CBR4: variants seen among roughly 807,000 people sequenced by gnomAD.
CBR4 encodes the protein 3-oxoacyl-[acyl-carrier-protein] reductase.
Under a neutral mutation model 21.0 loss-of-function variants are expected in CBR4, and 22 were observed. That is an observed-to-expected ratio of 1.05 (90% CI 0.75 to 1.50). The LOEUF is 1.50. Among genes scored for constraint, CBR4 ranks in the 40% most tolerant of loss-of-function variants. The pLI is 0.00. For synonymous variants in CBR4, 100 were observed against 104.4 expected, an observed-to-expected ratio of 0.96 and a Z score of 0.26; for missense variants, 302 against 286.3, an observed-to-expected ratio of 1.05 and a Z score of -0.40.
intron 3 of CBR4, among the ~76,000 whole-genome samples, chr4:169,005,004 T>C (rs1410926386): frequency 6.6e-6 from 1 of 152,112 alleles, no homozygotes; most frequent in Non-Finnish European, 1.5e-5. Context: ...TTTTTTAAAG[T>C]AATTTTAAAA....
chr4:168,941,322 T>TA (rs1763258228), intron 2 of CBR4, among the ~76,000 whole-genome samples: 1 of 152,052 alleles, frequency 6.6e-6, no homozygotes, highest in African/African-American at 2.4e-5. Context: ...TAAAGTACAA[T>TA]AAAAAAATTT....
chr4:168,968,652 A>T (rs2126749136), intron 2 of CBR4, among the ~76,000 whole-genome samples: 1 of 152,298 alleles, frequency 6.6e-6, no homozygotes, highest in Middle Eastern at 3.4e-3. Context: ...GTAATAGTTT[A>T]CCATCACCTA....
intron 2 of CBR4, among the ~76,000 whole-genome samples, chr4:168,944,611 T>A (rs1763353663): frequency 6.6e-6 from 1 of 152,202 alleles, no homozygotes; most frequent in Non-Finnish European, 1.5e-5. Context: ...TAAGGGATAG[T>A]TTAATAATGA....
chr4:168,944,836 A>G (rs1404276307), intron 2 of CBR4, among the ~76,000 whole-genome samples: 1 of 152,018 alleles, frequency 6.6e-6, no homozygotes, highest in African/African-American at 2.4e-5. Context: ...ATTGTTTCTT[A>G]CTGACTCTCA....
At chr4:168,948,512 G>A (rs919520201) in intron 2 of CBR4, among the ~76,000 whole-genome samples, 3 of 152,152 alleles carry the variant, frequency 2.0e-5, no homozygotes, top group African/African-American at 7.2e-5. Context: ...TTAGATTTAA[G>A]TCCTTAATCC....
At position 168,990,879 on chromosome 4, in the gene CBR4, C is replaced by G. The variant is rs183532552; in HGVS notation, c.536-551G>C. On this transcript the variant is annotated intron_variant, in intron 4 of 4. Coordinates refer to ENST00000306193, the MANE Select transcript of CBR4 (RefSeq NM_032783.5). Reference sequence around the variant, plus strand: ...ACCAGCCTGCCCAACATGGTGAAACCCCGTCTCTACTAAAAATACAAAAAA... The same window carrying G: ...ACCAGCCTGCCCAACATGGTGAAACGCCGTCTCTACTAAAAATACAAAAAA... 1.8e-4 allele frequency among the ~76,000 whole-genome samples: 28 copies of G among 151,940 alleles called. No homozygotes were observed. The East Asian group carries it at 4.3e-3, about 23-fold the overall frequency.
At position 169,007,708 on chromosome 4, in the gene CBR4, T is replaced by C; in HGVS notation, c.191A>G (p.Gln64Arg). Residue 64 changes from glutamine (Q) to arginine (R), a missense_variant, in exon 2 of 5, where the codon CAA (glutamine) becomes CGA (arginine). By Grantham distance (43) the Gln-to-Arg change is conservative. Coordinates refer to ENST00000306193, the MANE Select transcript of CBR4 (RefSeq NM_032783.5). Reference sequence around the variant, plus strand: ...TTTCTCCAGCTCTTCAAATGTATTTTGAACATCATGTTCTTTAGCAACATC... The same window carrying C: ...TTTCTCCAGCTCTTCAAATGTATTTCGAACATCATGTTCTTTAGCAACATC... Reference protein sequence around the residue: ...SCDVAKEHDVQNTFEELEKHL... With the variant: ...SCDVAKEHDVRNTFEELEKHL... The C allele has an allele frequency of 1.9e-6, 3 of 1,595,052 alleles. No individual in the cohort carries two copies. The highest frequency in any genetic ancestry group is 2.6e-6 in the Non-Finnish European group (3 of 1,171,850).
chr4:169,002,223 A>G lies in CBR4; in HGVS notation c.401-18T>C. The G allele has an allele frequency of 7.3e-7, 1 of 1,375,550 alleles. No homozygotes were observed. Among genetic ancestry groups the G allele is most frequent in the Non-Finnish European group, 9.6e-7 (1 of 1,046,552 alleles). 85.2% of individuals were successfully genotyped at this position (1,375,550 alleles called of 1,614,324 possible). ...AATGCTTCCTAGGACAAAAAAAAAA[A>G]AAAAAAAAAAAAAAGCGTATTAAAT... On this transcript the variant is annotated intron_variant, in intron 3 of 4. Coordinates refer to ENST00000306193, the MANE Select transcript of CBR4 (RefSeq NM_032783.5).
Position 168,959,561 on chromosome 4 carries a change from C to CTTTCT in CBR4, n.169+42509_169+42510insAGAAA, listed in dbSNP as rs1553990309. ...AATTTTTAAATCAGCTTATCAATTT[C>CTTTCT]TTTTTTTTTTTTTTTTTTTTTGGAG... On this transcript the variant is annotated intron_variant and non_coding_transcript_variant, in intron 2 of 3. Coordinates refer to the CBR4 transcript ENST00000509108. Among the ~76,000 whole-genome samples, 149 of 50,896 alleles carry CTTTCT rather than the reference C, an allele frequency of 2.9e-3. 1 individual carries two copies. Among genetic ancestry groups the CTTTCT allele is most frequent in the African/African-American group, 7.7e-3 (138 of 17,890 alleles). 33.4% of individuals were successfully genotyped at this position (50,896 alleles called of 152,430 possible).
At chr4:168,905,141 T>G (rs1757385224) in intron 2 of CBR4, among the ~76,000 whole-genome samples, 1 of 46,950 alleles carries the variant, frequency 2.1e-5, no homozygotes, top group Non-Finnish European at 5.2e-5. Context: ...TTTGTTGGTT[T>G]TTTTTTTTTT....
intron 2 of CBR4, among the ~76,000 whole-genome samples, chr4:168,905,277 A>G (rs1482299265): frequency 2.0e-5 from 3 of 146,342 alleles, no homozygotes; most frequent in African/African-American, 7.6e-5. Flanking sequence ...CAGCCTCCCT[A>G]GTAGCTGGGA....
chr4:168,921,488 C>T (rs1761506696), intron 2 of CBR4: 1 of 1,314,626 alleles, frequency 7.6e-7, no homozygotes. Flanking sequence ...AGTGATTTCA[C>T]TCTGTTTTAA....
chr4:168,992,215 T>A (rs1477949065), intron 4 of CBR4, among the ~76,000 whole-genome samples: 1 of 152,166 alleles, frequency 6.6e-6, no homozygotes, highest in Middle Eastern at 3.2e-3. Context: ...AATAAGAAAC[T>A]GGTTAAATAA....
intron 2 of CBR4, among the ~76,000 whole-genome samples, 168 bp from the exon 3 acceptor site, chr4:169,007,059 A>G (rs1730968034): frequency 1.3e-5 from 2 of 152,182 alleles, no homozygotes; most frequent in Non-Finnish European, 2.9e-5. Flanking sequence ...AAACATTAAA[A>G]TAACAATTGA....
rs1471989242 is a variant in CBR4, at chr4:168,998,272, T to C, written c.535+3799A>G. Among the ~76,000 whole-genome samples, 8 of 152,168 alleles carry C rather than the reference T, an allele frequency of 5.3e-5. No homozygotes were observed. The South Asian group carries it at 6.2e-4, about 12-fold the overall frequency. On this transcript the variant is annotated intron_variant, in intron 4 of 4. Coordinates refer to ENST00000306193, the MANE Select transcript of CBR4 (RefSeq NM_032783.5). ...TTGCAAATGTGCAAAATAAACTCCA[T>C]ACAAGTATTGTCACTGCATCATTAG...
chr4:168,990,420 T>G, intron 4 of CBR4, 92 bp from the exon 5 acceptor site: 1 of 1,255,916 alleles, frequency 8.0e-7, no homozygotes, highest in Non-Finnish European at 1.0e-6. Context: ...TCTGAAAATT[T>G]TAATTTGAAA....
chr4:168,976,527 A>G (rs936922723), intron 2 of CBR4, among the ~76,000 whole-genome samples: 3 of 152,196 alleles, frequency 2.0e-5, no homozygotes, highest in African/African-American at 7.2e-5. Flanking sequence ...TGGAGTTAGG[A>G]GCAATTTTTT....
intron 2 of CBR4, among the ~76,000 whole-genome samples, chr4:168,935,999 G>C (rs539763047): frequency 7.9e-5 from 12 of 152,292 alleles, no homozygotes; most frequent in Non-Finnish European, 1.8e-4. Flanking sequence ...ACGCCTCCCA[G>C]CAGGGGTCGA....
chr4:168,920,437 C>G (rs1345108100), intron 2 of CBR4, among the ~76,000 whole-genome samples: 1 of 152,106 alleles, frequency 6.6e-6, no homozygotes, highest in African/African-American at 2.4e-5. Context: ...AAAGCTAGTT[C>G]TTCAAAAGAA....
Sources: allele counts gnomAD v4.1 joint callset (sites outside exome capture counted in the v4.1 genomes callset), GRCh38; gene constraint gnomAD v4.1.1; transcripts MANE v1.5; gene names NCBI Gene and HGNC (gene_info 2026-07-23, HGNC 2026-07-21).